The following HHLA2 variants were observed in gnomAD, a reference collection of about 807,000 sequenced individuals.
HHLA2 encodes HERV-H LTR-associating protein 2.
HHLA2 carries 48 observed loss-of-function variants against 45.9 expected under a neutral mutation model. The ratio of observed to expected loss-of-function variants is 1.05; its 90% confidence interval spans 0.83 to 1.33. HHLA2 has a LOEUF of 1.33. Among genes scored for constraint, HHLA2 ranks in the 40% most tolerant of loss-of-function variants. The probability of loss-of-function intolerance (pLI) is 0.00; values close to 1 mark genes in which losing one functional copy is unlikely to be tolerated. For missense variants in HHLA2, 462 were observed against 494.3 expected (o/e 0.93, Z 0.62); for synonymous variants, 161 against 173.9 (o/e 0.93, Z 0.59).
chr3:108,309,086 G>C (rs1447328243), intron 1 of HHLA2, among the ~76,000 whole-genome samples: 1 of 152,120 alleles, frequency 6.6e-6, no homozygotes, highest in Non-Finnish European at 1.5e-5. Flanking sequence ...TTTTTCCCCA[G>C]ACCAATGTCC....
At chr3:108,353,436 C>T in exon 5 of HHLA2, 1 of 1,569,130 alleles carries the variant, frequency 6.4e-7, no homozygotes, top group Non-Finnish European at 8.7e-7. Context: ...GGCATATTCC[C>T]TTTGGCTTTC....
In HHLA2 at chr3:108,311,469, G is replaced by C. The variant is rs182331387; in HGVS notation, c.-105+728G>C. Among the ~76,000 whole-genome samples, 244 of 152,222 alleles carry C rather than the reference G, an allele frequency of 1.6e-3. 1 individual carries two copies. The highest frequency in any genetic ancestry group is 5.2e-3 in the African/African-American group (216 of 41,538). Reference sequence around the variant, plus strand: ...GAAAATGGAAATTCAAGTGAGAGGAGCATCATGGTAAATCAGTCTGTGCCA... The same window carrying C: ...GAAAATGGAAATTCAAGTGAGAGGACCATCATGGTAAATCAGTCTGTGCCA... On this transcript the variant is annotated intron_variant, in intron 2 of 10. Coordinates refer to ENST00000619531, the Ensembl canonical transcript of HHLA2.
Position 108,373,366 on chromosome 3 carries a change from C to A in HHLA2, c.1109-2384C>A, listed in dbSNP as rs965727087. Among the ~76,000 whole-genome samples, 14 of 152,248 alleles carry A rather than the reference C, an allele frequency of 9.2e-5. 1 individual carries two copies. The highest frequency in any genetic ancestry group is 3.1e-4 in the African/African-American group (13 of 41,540). On this transcript the variant is annotated intron_variant, in intron 8 of 10. Transcript: ENST00000619531. ...GAGCTATCTGTGACAAACCCACAGCCAATATCATACTGAACGGACAAAAAC... is the reference window on the plus strand; with the variant it reads ...GAGCTATCTGTGACAAACCCACAGCAAATATCATACTGAACGGACAAAAAC...
intron 2 of HHLA2, among the ~76,000 whole-genome samples, chr3:108,321,018 A>C (rs2081190081): frequency 6.7e-6 from 1 of 148,308 alleles, no homozygotes; most frequent in African/African-American, 2.5e-5. Flanking sequence ...AGAATAAGGA[A>C]TTTATTAGCA....
At chr3:108,315,824 A>G (rs1576107371) in intron 2 of HHLA2, among the ~76,000 whole-genome samples, 1 of 152,298 alleles carries the variant, frequency 6.6e-6, no homozygotes, top group African/African-American at 2.4e-5. Flanking sequence ...TCAAACATCT[A>G]CCTGGCCCTT....
intron 3 of HHLA2, among the ~76,000 whole-genome samples, chr3:108,331,000 T>C (rs1280495468): frequency 1.3e-5 from 2 of 152,166 alleles, no homozygotes; most frequent in African/African-American, 4.8e-5. Flanking sequence ...AAAGTGCTGT[T>C]AGAGGGACAA....
chr3:108,301,194 C>G (rs1219938340), intron 1 of HHLA2, among the ~76,000 whole-genome samples: 1 of 152,056 alleles, frequency 6.6e-6, no homozygotes, highest in Non-Finnish European at 1.5e-5. Flanking sequence ...AACATTATAT[C>G]CTAAGTGTGC....
chr3:108,324,065 T>C (rs189253619), intron 2 of HHLA2, among the ~76,000 whole-genome samples: 24 of 152,310 alleles, frequency 1.6e-4, no homozygotes, highest in African/African-American at 5.5e-4. Flanking sequence ...TTTCATCAAA[T>C]GGTAACCCTA....
chr3:108,343,674 C>T (rs759212566), intron 3 of HHLA2, among the ~76,000 whole-genome samples: 1 of 152,104 alleles, frequency 6.6e-6, no homozygotes, highest in Non-Finnish European at 1.5e-5. Context: ...TACAAGTAGG[C>T]GTTCTTTACT....
chr3:108,306,638 G>T lies in HHLA2; in HGVS notation c.-191-4017G>T, dbSNP rs1576093566. ...CAGAAAACTGTTTTTAAATCCACTG[G>T]CAGAATGTTGCTGATACTATTATCT... On this transcript the variant is annotated intron_variant, in intron 1 of 10. Transcript: ENST00000619531. 2.0e-5 allele frequency among the ~76,000 whole-genome samples: 3 copies of T among 152,184 alleles called. No homozygotes were observed. In the South Asian group the frequency reaches 6.2e-4, roughly 32 times the overall value.
chr3:108,334,724 G>T (rs2081442898), intron 3 of HHLA2, among the ~76,000 whole-genome samples: 1 of 152,202 alleles, frequency 6.6e-6, no homozygotes, highest in Non-Finnish European at 1.5e-5. Context: ...TTAATTCAGG[G>T]AACTGGCAAA....
chr3:108,339,669 A>G (rs936639046), intron 3 of HHLA2, among the ~76,000 whole-genome samples: 2 of 152,166 alleles, frequency 1.3e-5, no homozygotes, highest in African/African-American at 4.8e-5. Context: ...AGAGAAAATT[A>G]TTGATTTTTC....
intron 2 of HHLA2, among the ~76,000 whole-genome samples, chr3:108,314,683 A>G (rs2081075210): frequency 1.3e-5 from 2 of 152,232 alleles, no homozygotes; most frequent in Non-Finnish European, 2.9e-5. Flanking sequence ...ATAGAGCCAG[A>G]CATTTTACTT....
intron 2 of HHLA2, among the ~76,000 whole-genome samples, chr3:108,311,009 T>A (rs62266180): frequency 0.068 from 10,316 of 152,214 alleles, 480 homozygotes; most frequent in Non-Finnish European, 0.092. Context: ...ATTAAGAACA[T>A]TTACAGAAAT....
chr3:108,330,445 T>C (rs1214499384), intron 3 of HHLA2, among the ~76,000 whole-genome samples: 4 of 152,176 alleles, frequency 2.6e-5, no homozygotes, highest in Non-Finnish European at 4.4e-5. Flanking sequence ...TTACCTTTCA[T>C]AACAAAGGTA....
intron 2 of HHLA2, chr3:108,325,420 G>T: frequency 2.8e-6 from 1 of 363,368 alleles, no homozygotes; most frequent in Non-Finnish European, 5.5e-6. Context: ...GTGCTTGGCT[G>T]AATTCACAAA....
chr3:108,348,398 C>A (rs1005084129), intron 3 of HHLA2, among the ~76,000 whole-genome samples: 1 of 152,072 alleles, frequency 6.6e-6, no homozygotes, highest in African/African-American at 2.4e-5. Flanking sequence ...TATGACATGT[C>A]ATGCAGAAAA....
chr3:108,337,492 TTGTCTA>T (rs1488049425), intron 3 of HHLA2, among the ~76,000 whole-genome samples: 1 of 152,156 alleles, frequency 6.6e-6, no homozygotes, highest in Admixed American at 6.6e-5. Context: ...GGAGGTATCT[TTGTCTA>T]TGTGGAATCT....
chr3:108,357,958 C>G (rs759602356), exon 7 of HHLA2: 2 of 1,613,638 alleles, frequency 1.2e-6, no homozygotes, highest in Non-Finnish European at 1.7e-6. Context: ...AAAAGTGGGA[C>G]TTTCTCTGTC....
Sources: allele counts gnomAD v4.1 joint callset (sites outside exome capture counted in the v4.1 genomes callset), GRCh38; gene constraint gnomAD v4.1.1; transcripts MANE v1.5; gene names NCBI Gene and HGNC (gene_info 2026-07-23, HGNC 2026-07-21).